The following WASF3 variants were observed in gnomAD, a reference collection of about 807,000 sequenced individuals.
WASF3 encodes WASP family member 3, also known as actin-binding protein WASF3.
In WASF3, 11 loss-of-function variants were observed where a neutral mutation model predicts 46.6. The observed-to-expected ratio is 0.24, with a 90% CI of 0.15 to 0.39. The LOEUF is 0.39. Ranked by LOEUF, WASF3 falls within the 10% of genes least tolerant of loss-of-function variation. The pLI is 1.00. For synonymous variants in WASF3, 242 were observed against 259.7 expected, an observed-to-expected ratio of 0.93 and a Z score of 0.65; for missense variants, 576 against 669.8, an observed-to-expected ratio of 0.86 and a Z score of 1.55.
intron 9 of WASF3, among the ~76,000 whole-genome samples, chr13:26,683,877 G>A (rs1018144332): frequency 1.3e-5 from 2 of 152,170 alleles, no homozygotes; most frequent in African/African-American, 4.8e-5. Context: ...CCACACCATG[G>A]ATTCTTAACC....
At chr13:26,560,080 A>G (rs962355843) in intron 1 of WASF3, among the ~76,000 whole-genome samples, 5 of 151,758 alleles carry the variant, frequency 3.3e-5, no homozygotes, top group African/African-American at 9.7e-5. Flanking sequence ...CGGCCTCCCA[A>G]AATGCTGGGA....
intron 6 of WASF3, among the ~76,000 whole-genome samples, chr13:26,674,619 CATT>C (rs1413165707): frequency 6.6e-6 from 1 of 152,218 alleles, no homozygotes; most frequent in African/African-American, 2.4e-5. Context: ...CACACACTGA[CATT>C]ATTAAAAATG....
At chr13:26,675,453 C>T (rs983598856) in intron 6 of WASF3, among the ~76,000 whole-genome samples, 2 of 150,548 alleles carry the variant, frequency 1.3e-5, no homozygotes, top group Non-Finnish European at 2.9e-5. Flanking sequence ...TTCCAGGATG[C>T]CTCCCTGACT....
chr13:26,623,353 G>C (rs935817029), intron 2 of WASF3, among the ~76,000 whole-genome samples: 2 of 152,142 alleles, frequency 1.3e-5, no homozygotes, highest in African/African-American at 4.8e-5. Context: ...CTTCCCCACA[G>C]CCTTCTCTCC....
intron 7 of WASF3, among the ~76,000 whole-genome samples, chr13:26,677,861 T>C (rs967378354): frequency 7.2e-5 from 11 of 152,336 alleles, no homozygotes; most frequent in African/African-American, 2.2e-4. Flanking sequence ...TTGTTTTTTT[T>C]CTAAATAATT....
At chr13:26,669,515 T>A (rs57336372) in intron 5 of WASF3, among the ~76,000 whole-genome samples, 15 of 18,468 alleles carry the variant, frequency 8.1e-4, no homozygotes, top group Admixed American at 1.2e-3. Context: ...GAAAAAAAAA[T>A]TTTTTTTTTT....
chr13:26,682,593 C>T lies in WASF3; in HGVS notation c.984-14C>T, dbSNP rs144265290. ...TTGTTCCCTTGGTGACTATGTGCCT[C>T]ATATCTCTCTCAGGATGCTCCCAGC... On this transcript the variant is annotated splice_polypyrimidine_tract_variant and intron_variant, in intron 8 of 9. Transcript: ENST00000335327. This position sits in a 1 kb window ranked among gnomAD's most constrained non-coding sequence, Gnocchi z 4.4. 1.2e-6 allele frequency: 2 copies of T among 1,613,900 alleles called. No individual in the cohort carries two copies. The highest frequency in any genetic ancestry group is 1.3e-5 in the African/African-American group (1 of 74,906).
upstream of WASF3, among the ~76,000 whole-genome samples, chr13:26,554,092 C>CTTCTTTCT (rs1555245922): frequency 8.6e-5 from 2 of 23,278 alleles, no homozygotes; most frequent in Middle Eastern, 0.031. Context: ...TCCTTCCTTC[C>CTTCTTTCT]TTCCTTCTTT....
At position 26,633,705 on chromosome 13, in the gene WASF3, GT is replaced by G. The variant is rs761010591; in HGVS notation, c.-10-8553del. On this transcript the variant is annotated intron_variant, in intron 2 of 9. Transcript: ENST00000335327. ...GGTATTTGTGTCTTTGTTCTCATTGGTTTCAAAGAACATCTTTATTTCTGCC... is the reference window on the plus strand; with the variant it reads ...GGTATTTGTGTCTTTGTTCTCATTGGTTCAAAGAACATCTTTATTTCTGCC... 1.2e-4 allele frequency among the ~76,000 whole-genome samples: 19 copies of G among 152,184 alleles called. No individual in the cohort carries two copies. The East Asian group carries it at 2.9e-3, about 23-fold the overall frequency.
At chr13:26,546,998 A>G in the WASF3 span, among the ~76,000 whole-genome samples, 14 of 152,258 alleles carry the variant, frequency 9.2e-5, no homozygotes, top group African/African-American at 3.4e-4. Context: ...CTGCAAAGTG[A>G]CTTACCAGTG....
At chr13:26,676,434 G>T in intron 6 of WASF3, 115 bp from the exon 7 acceptor site, 17 of 1,130,872 alleles carry the variant, frequency 1.5e-5, no homozygotes, top group Non-Finnish European at 2.1e-5. Context: ...ATCGAAATGC[G>T]AATGTGTCTT....
chr13:26,587,988 A>G (rs1880180895), intron 1 of WASF3, among the ~76,000 whole-genome samples: 1 of 152,184 alleles, frequency 6.6e-6, no homozygotes, highest in Non-Finnish European at 1.5e-5. Flanking sequence ...ACCAAATCCT[A>G]AAGAAAAGTT....
At chr13:26,620,847 G>A (rs1201289680) in intron 2 of WASF3, 3 of 152,122 alleles carry the variant, frequency 2.0e-5, no homozygotes, top group Non-Finnish European at 2.9e-5. Flanking sequence ...AAGACAAACT[G>A]TGTCCCAGAA....
Position 26,574,993 on chromosome 13 carries a change from C to T in WASF3, c.-109+17174C>T, listed in dbSNP as rs543913792. 1.8e-4 allele frequency among the ~76,000 whole-genome samples: 28 copies of T among 152,162 alleles called. 1 individual carries two copies. Among genetic ancestry groups the T allele is most frequent in the East Asian group, 7.8e-4 (4 of 5,158 alleles). ...CTGGGACTACAGGCACCTGCCACCACGCCCGGCTAATTTTTTGTATTTTTA... is the reference window on the plus strand; with the variant it reads ...CTGGGACTACAGGCACCTGCCACCATGCCCGGCTAATTTTTTGTATTTTTA... On this transcript the variant is annotated intron_variant, in intron 1 of 9. Transcript: ENST00000335327.
At chr13:26,665,460 C>T (rs1197801142) in intron 4 of WASF3, among the ~76,000 whole-genome samples, 4 of 152,146 alleles carry the variant, frequency 2.6e-5, no homozygotes, top group African/African-American at 4.8e-5. Flanking sequence ...AGGTTACTGA[C>T]AGTTATTTTA....
At chr13:26,542,756 G>A in the WASF3 span, among the ~76,000 whole-genome samples, 2 of 152,174 alleles carry the variant, frequency 1.3e-5, no homozygotes, top group African/African-American at 2.4e-5. Flanking sequence ...GGGTTAAACA[G>A]CACTCTGCGT....
At position 26,667,514 on chromosome 13, in the gene WASF3, T is replaced by C; in HGVS notation, c.269-3T>C. The C allele has an allele frequency of 1.2e-6, 2 of 1,608,398 alleles. No individual in the cohort carries two copies. Among genetic ancestry groups the C allele is most frequent in the East Asian group, 2.2e-5 (1 of 44,738 alleles). On this transcript the variant is annotated splice_polypyrimidine_tract_variant and splice_region_variant and intron_variant, in intron 4 of 9. Transcript: ENST00000335327. ...CTCAACTTGGGGGATTTTCTCTAAATAGTCTCACTACAGGATATCAACATG... is the reference window on the plus strand; with the variant it reads ...CTCAACTTGGGGGATTTTCTCTAAACAGTCTCACTACAGGATATCAACATG...
chr13:26,545,139 C>A, the WASF3 span, among the ~76,000 whole-genome samples: 1 of 152,298 alleles, frequency 6.6e-6, no homozygotes, highest in Admixed American at 6.5e-5. Context: ...CATGGGAAAC[C>A]AGAGGCAACC....
At chr13:26,550,900 T>A in the WASF3 span, among the ~76,000 whole-genome samples, 1 of 152,208 alleles carries the variant, frequency 6.6e-6, no homozygotes, top group Non-Finnish European at 1.5e-5. Context: ...GGGGACACCT[T>A]CAATCTTCCT....
Sources: allele counts gnomAD v4.1 joint callset (sites outside exome capture counted in the v4.1 genomes callset), GRCh38; gene constraint gnomAD v4.1.1; non-coding constraint Gnocchi (gnomAD v3.1); transcripts MANE v1.5; gene names NCBI Gene and HGNC (gene_info 2026-07-23, HGNC 2026-07-21).